CLEC1A: variants seen among roughly 807,000 people sequenced by gnomAD.
CLEC1A encodes the protein C-type lectin domain family 1 member A.
A neutral mutation model predicts 28.7 loss-of-function variants in CLEC1A; 34 were observed. The observed-to-expected ratio is 1.18, with a 90% CI of 0.90 to 1.57. CLEC1A has a LOEUF of 1.57. Ranked by LOEUF, CLEC1A falls within the 40% of genes most tolerant of loss-of-function variation. The pLI, the probability that CLEC1A is intolerant of heterozygous loss-of-function variation, is 0.00. For missense variants in CLEC1A, 385 were observed against 339.5 expected (o/e 1.13, Z -1.05); for synonymous variants, 116 against 121.0 (o/e 0.96, Z 0.27).
chr12:10,096,989 A>T (rs948474377), intron 1 of CLEC1A, among the ~76,000 whole-genome samples: 1 of 152,104 alleles, frequency 6.6e-6, no homozygotes, highest in Non-Finnish European at 1.5e-5. Flanking sequence ...CTTAGTTGAG[A>T]ATTGTATTAG....
At chr12:10,073,197 T>C (rs938365114) in intron 5 of CLEC1A, 96 bp downstream of exon 5, 46 of 848,858 alleles carry the variant, frequency 5.4e-5, no homozygotes, top group African/African-American at 4.2e-4. Flanking sequence ...AAGCAGAAGT[T>C]TGATTAATAC....
Position 10,071,513 on chromosome 12 carries a change from C to T in CLEC1A, c.663G>A (p.Leu221=), listed in dbSNP as rs751589821. 10 of 1,575,936 alleles carry T rather than the reference C, an allele frequency of 6.3e-6. No individual in the cohort carries two copies. The highest frequency in any genetic ancestry group is 8.6e-6 in the Non-Finnish European group (10 of 1,163,628). ...WMDGTPFTSE[L]FHIIIDVTSP... ...TGGTGACATCTATTATAATATGGAA[C>T]CTTAAGAAAGGAAGAAAAAGTAAAT... Residue 221 remains leucine, a splice_region_variant and synonymous_variant, in exon 6 of 6, where the codon CTG becomes CTA. Coordinates refer to ENST00000315330, the MANE Select transcript of CLEC1A (RefSeq NM_016511.4).
At chr12:10,077,635 G>T (rs948070001) in intron 3 of CLEC1A, among the ~76,000 whole-genome samples, 1 of 152,018 alleles carries the variant, frequency 6.6e-6, no homozygotes, top group Non-Finnish European at 1.5e-5. Context: ...TGCAATAAAT[G>T]TTTATAGATA....
Position 10,071,526 on chromosome 12 carries a change from A to C in CLEC1A, c.663-13T>G. 6.4e-7 allele frequency: 1 copy of C among 1,563,504 alleles called. No homozygotes were observed. The highest frequency in any genetic ancestry group is 1.4e-5 in the African/African-American group (1 of 72,840). ...TATAATATGGAACCTTAAGAAAGGA[A>C]GAAAAAGTAAATTCAATCACGGTTT... On this transcript the variant is annotated splice_polypyrimidine_tract_variant and intron_variant, in intron 5 of 5. Coordinates refer to ENST00000315330, the MANE Select transcript of CLEC1A (RefSeq NM_016511.4).
intron 5 of CLEC1A, among the ~76,000 whole-genome samples, chr12:10,072,993 G>A (rs538030602): frequency 6.6e-6 from 1 of 152,214 alleles, no homozygotes; most frequent in East Asian, 1.9e-4. Flanking sequence ...GGTGAGAGGA[G>A]AGCTTGAGCC....
At chr12:10,087,472 T>TTATATATATATA (rs200437169) in intron 2 of CLEC1A, among the ~76,000 whole-genome samples, 2 of 75,180 alleles carry the variant, frequency 2.7e-5, no homozygotes, top group Admixed American at 1.9e-4. Flanking sequence ...TACCTCAAAG[T>TTATATATATATA]TATATATATA....
chr12:10,097,692 C>T (rs1263986259), intron 1 of CLEC1A, among the ~76,000 whole-genome samples: 1 of 152,156 alleles, frequency 6.6e-6, no homozygotes, highest in African/African-American at 2.4e-5. Flanking sequence ...GACAGAGTTC[C>T]TGGCTCCAGT....
At chr12:10,085,073 G>A (rs1322853091) in intron 2 of CLEC1A, among the ~76,000 whole-genome samples, 1 of 151,896 alleles carries the variant, frequency 6.6e-6, no homozygotes, top group East Asian at 1.9e-4. Flanking sequence ...GCAAGAATTT[G>A]CCACTACCAA....
chr12:10,079,653 C>G (rs1866325390), intron 3 of CLEC1A, among the ~76,000 whole-genome samples: 1 of 151,774 alleles, frequency 6.6e-6, no homozygotes, highest in East Asian at 2.0e-4. Context: ...AACCCCGTCT[C>G]TACTTAAAAT....
chr12:10,098,466 A>C (rs1374087692), intron 1 of CLEC1A, among the ~76,000 whole-genome samples: 1 of 152,182 alleles, frequency 6.6e-6, no homozygotes, highest in Non-Finnish European at 1.5e-5. Context: ...AGGATACTTA[A>C]ACAACTCATC....
intron 5 of CLEC1A, 90 bp downstream of exon 5, chr12:10,073,203 A>C (rs1866173261): frequency 3.4e-6 from 3 of 894,822 alleles, no homozygotes; most frequent in African/African-American, 1.7e-5. Flanking sequence ...AAGTTTGATT[A>C]ATACTTGATG....
rs1866182494 is a variant in CLEC1A at position 10,073,387 on chromosome 12, A to G, written c.568T>C (p.Ser190Pro). Residue 190 changes from serine to proline, a missense_variant, in exon 5 of 6, where the codon TCT becomes CCT. Transcript: ENST00000315330. ...DLEFAASQSY[S>P]EFFYSYWTGL... ...GTCCAATAAGAGTAGAAAAACTCAGAGTAGCTCTGAGACGCGGCAAATTCC... is the reference window on the plus strand; with the variant it reads ...GTCCAATAAGAGTAGAAAAACTCAGGGTAGCTCTGAGACGCGGCAAATTCC... The G allele has an allele frequency of 6.2e-7, 1 of 1,613,864 alleles. No homozygotes were observed. Among genetic ancestry groups the G allele is most frequent in the Non-Finnish European group, 8.5e-7 (1 of 1,179,840 alleles).
At chr12:10,084,691 A>T (rs1381595681) in intron 2 of CLEC1A, among the ~76,000 whole-genome samples, 1 of 151,864 alleles carries the variant, frequency 6.6e-6, no homozygotes, top group East Asian at 1.9e-4. Flanking sequence ...GCGTGGTGGC[A>T]GGCGCCTGTA....
chr12:10,093,127 T>C (rs1364072041), intron 1 of CLEC1A, among the ~76,000 whole-genome samples: 2 of 152,148 alleles, frequency 1.3e-5, no homozygotes, highest in African/African-American at 4.8e-5. Context: ...CTAATGTTTC[T>C]CAGTTTTATT....
intron 1 of CLEC1A, 67 bp from the exon 2 acceptor site, chr12:10,089,289 G>A: frequency 7.8e-7 from 1 of 1,282,952 alleles, no homozygotes; most frequent in Non-Finnish European, 1.1e-6. Flanking sequence ...TCAATAACAG[G>A]TAAGGGAGTG....
chr12:10,090,829 A>AG (rs1866605222), intron 1 of CLEC1A, among the ~76,000 whole-genome samples: 1 of 151,818 alleles, frequency 6.6e-6, no homozygotes. Flanking sequence ...TTTTTAAAAA[A>AG]AATGGCAATT....
chr12:10,094,738 A>G (rs1313636248), intron 1 of CLEC1A, among the ~76,000 whole-genome samples: 3 of 152,134 alleles, frequency 2.0e-5, no homozygotes, highest in African/African-American at 7.2e-5. Flanking sequence ...TTTCCCTTCT[A>G]CATTATGAAA....
chr12:10,073,475 G>T, intron 4 of CLEC1A, 64 bp from the exon 5 acceptor site: 1 of 1,170,232 alleles, frequency 8.5e-7, no homozygotes, highest in Non-Finnish European at 1.3e-6. Context: ...GTACAGACAT[G>T]CATGGGCCAG....
intron 3 of CLEC1A, among the ~76,000 whole-genome samples, chr12:10,076,091 A>G (rs750797517): frequency 2.6e-4 from 39 of 152,346 alleles, no homozygotes; most frequent in Non-Finnish European, 2.9e-5. Flanking sequence ...GTATATACCA[A>G]TATGATGTGG....
Sources: allele counts gnomAD v4.1 joint callset (sites outside exome capture counted in the v4.1 genomes callset), GRCh38; gene constraint gnomAD v4.1.1; transcripts MANE v1.5; gene names NCBI Gene and HGNC (gene_info 2026-07-23, HGNC 2026-07-21).